The following RAPGEF2 variants were observed in gnomAD, a reference collection of about 807,000 sequenced individuals.
RAPGEF2 encodes the protein PDZ domain containing guanine nucleotide exchange factor (GEF) 1.
A neutral mutation model predicts 186.7 loss-of-function variants in RAPGEF2; 54 were observed. The observed-to-expected ratio is 0.29, with a 90% confidence interval of 0.23 to 0.36. The LOEUF (loss-of-function observed/expected upper bound fraction) is 0.36, where lower values mean the gene tolerates loss of function less well. RAPGEF2 is among the 10% of genes least tolerant of loss of function. The pLI, the probability that RAPGEF2 is intolerant of heterozygous loss-of-function variation, is 1.00. For missense variants in RAPGEF2, 1,532 were observed against 2,045.0 expected (o/e 0.75, Z 4.84); for synonymous variants, 712 against 705.9 (o/e 1.01, Z -0.14).
chr4:159,169,987 C>A (rs959835546), intron 1 of RAPGEF2, among the ~76,000 whole-genome samples: 12 of 152,010 alleles, frequency 7.9e-5, no homozygotes, highest in African/African-American at 2.4e-4. Context: ...TTTGCAGGAA[C>A]CTCCATACTG....
At chr4:159,164,897 A>G (rs766810886) in intron 1 of RAPGEF2, among the ~76,000 whole-genome samples, 22 of 152,204 alleles carry the variant, frequency 1.4e-4, no homozygotes, top group Non-Finnish European at 3.1e-4. Context: ...TTGTTTTAAG[A>G]AAAATGAAGT....
At chr4:159,239,136 T>C (rs541396903) in intron 5 of RAPGEF2, among the ~76,000 whole-genome samples, 9 of 152,296 alleles carry the variant, frequency 5.9e-5, no homozygotes, top group African/African-American at 2.2e-4. Context: ...TTGGTTTTTG[T>C]ACTTTGTAAT....
intron 7 of RAPGEF2, among the ~76,000 whole-genome samples, chr4:159,252,388 C>A (rs1755565613): frequency 6.6e-6 from 1 of 152,174 alleles, no homozygotes. Flanking sequence ...AAAAATGTTT[C>A]AATCATCAGG....
intron 1 of RAPGEF2, among the ~76,000 whole-genome samples, chr4:159,158,332 A>G (rs1393477937): frequency 6.6e-6 from 1 of 152,158 alleles, no homozygotes; most frequent in Non-Finnish European, 1.5e-5. Flanking sequence ...ATTGTAGTTG[A>G]ACAAAAAGCA....
At chr4:159,210,921 GCAGTCTCA>G (rs1750457755) in intron 4 of RAPGEF2, among the ~76,000 whole-genome samples, 1 of 152,124 alleles carries the variant, frequency 6.6e-6, no homozygotes, top group African/African-American at 2.4e-5. Flanking sequence ...AGTATAGCAG[GCAGTCTCA>G]TAAACATCTA....
chr4:159,335,654 T>C (rs1437214550), intron 17 of RAPGEF2, among the ~76,000 whole-genome samples: 2 of 151,908 alleles, frequency 1.3e-5, no homozygotes, highest in Non-Finnish European at 2.9e-5. Context: ...GAGACCACGG[T>C]GAAACCCCGT....
intron 26 of RAPGEF2, among the ~76,000 whole-genome samples, chr4:159,350,694 A>G (rs533607463): frequency 3.7e-4 from 56 of 152,268 alleles, no homozygotes; most frequent in Non-Finnish European, 1.9e-4. Flanking sequence ...ACAGGTCTTG[A>G]TTACCTTTTT....
At chr4:159,291,905 T>G in intron 7 of RAPGEF2, among the ~76,000 whole-genome samples, 1 of 152,320 alleles carries the variant, frequency 6.6e-6, no homozygotes, top group East Asian at 1.9e-4. Flanking sequence ...ATATTTATAT[T>G]TAAAATTTTA....
chr4:159,103,216 C>G lies in RAPGEF2; in HGVS notation c.-947C>G, dbSNP rs1737375007. 6.6e-6 allele frequency: 1 copy of G among 151,954 alleles called. No individual in the cohort carries two copies. The highest frequency in any genetic ancestry group is 1.5e-5 in the Non-Finnish European group (1 of 68,008). The allele number at this position is 151,954 out of a possible 1,614,324, so 9.4% of individuals were successfully genotyped here. ...GGCTTTCGGCCCTCGGACGCCCGCG[C>G]CGGGAGTCCGAACCCGGGCTGTCCG... On this transcript the variant is annotated 5_prime_UTR_variant, in exon 1 of 30. Transcript: ENST00000691494.
intron 1 of RAPGEF2, among the ~76,000 whole-genome samples, chr4:159,115,136 G>A (rs1013745094): frequency 2.0e-5 from 3 of 151,810 alleles, no homozygotes; most frequent in Non-Finnish European, 2.9e-5. Flanking sequence ...CTATCTTTCC[G>A]TTTTTGATTT....
rs577805299 is a variant in RAPGEF2 at position 159,259,890 on chromosome 4, C to A, written c.543+16099C>A. On this transcript the variant is annotated intron_variant, in intron 7 of 29. Transcript: ENST00000691494. ...AATAATTCAGATTATTGTTTAAAAT[C>A]ATCTTTAATCCATTTCTAAGTTTGG... Among the ~76,000 whole-genome samples, 130 of 152,208 alleles carry A rather than the reference C, an allele frequency of 8.5e-4. No individual in the cohort carries two copies. The Middle Eastern group carries it at 0.01, about 12-fold the overall frequency.
intron 1 of RAPGEF2, among the ~76,000 whole-genome samples, chr4:159,136,735 A>G (rs2111149955): frequency 6.6e-6 from 1 of 152,324 alleles, no homozygotes; most frequent in South Asian, 2.1e-4. Flanking sequence ...CTCTAATAAT[A>G]GTTTCTGGTG....
intron 17 of RAPGEF2, among the ~76,000 whole-genome samples, chr4:159,336,919 T>A (rs1767510620): frequency 6.6e-6 from 1 of 152,226 alleles, no homozygotes; most frequent in Admixed American, 6.5e-5. Flanking sequence ...TCAAGGTGTG[T>A]ATAGAAACTA....
At chr4:159,256,028 G>A (rs1237163240) in intron 7 of RAPGEF2, among the ~76,000 whole-genome samples, 1 of 152,064 alleles carries the variant, frequency 6.6e-6, no homozygotes, top group Non-Finnish European at 1.5e-5. Flanking sequence ...CTGTTGAACT[G>A]ACCAACATGA....
At chr4:159,295,750 T>TGCGCGC (rs1470914736) in intron 7 of RAPGEF2, among the ~76,000 whole-genome samples, 1 of 104,520 alleles carries the variant, frequency 9.6e-6, no homozygotes, top group Non-Finnish European at 2.1e-5. Flanking sequence ...TGTGTGTGTG[T>TGCGCGC]GTGTGCGCGC....
At chr4:159,165,624 GT>G (rs1228452186) in intron 1 of RAPGEF2, among the ~76,000 whole-genome samples, 4 of 152,116 alleles carry the variant, frequency 2.6e-5, no homozygotes, top group Admixed American at 1.3e-4. Flanking sequence ...ATGGATTTTT[GT>G]TTGTTTTTTT....
In RAPGEF2 at chr4:159,339,124, T is replaced by A; in HGVS notation, c.2304T>A (p.Asp768Glu). The change falls in exon 19 of 30, where the codon GAT becomes GAA. Residue 768 changes from aspartate (D) to glutamate (E), a missense_variant. By Grantham distance (45) the Asp-to-Glu change is conservative. Transcript: ENST00000691494. Reference sequence around the variant, plus strand: ...TTTTCTTTCCCCCAGACTTGCCAGATCAAGTGCTAAGGGTTTTTAAGGCTG... The same window carrying A: ...TTTTCTTTCCCCCAGACTTGCCAGAACAAGTGCTAAGGGTTTTTAAGGCTG... ...LDFSATPDLP[D>E]QVLRVFKADQ... 1.9e-6 allele frequency: 3 copies of A among 1,613,410 alleles called. No homozygotes were observed. The highest frequency in any genetic ancestry group is 1.1e-5 in the South Asian group (1 of 91,000).
intron 3 of RAPGEF2, among the ~76,000 whole-genome samples, chr4:159,199,166 C>G (rs1749135742): frequency 1.3e-5 from 2 of 151,858 alleles, no homozygotes; most frequent in South Asian, 4.1e-4. Flanking sequence ...GGGTGCTCAA[C>G]CACCTCGCCT....
At chr4:159,182,366 T>G (rs1200347399) in intron 1 of RAPGEF2, among the ~76,000 whole-genome samples, 1 of 150,700 alleles carries the variant, frequency 6.6e-6, no homozygotes, top group Non-Finnish European at 1.5e-5. Flanking sequence ...CTGAAAAGCT[T>G]CCTAGTATTT....
Sources: gnomAD v4.1 joint callset for allele counts (sites outside exome capture counted in the v4.1 genomes callset) on GRCh38, gnomAD v4.1.1 for gene constraint, MANE v1.5 for transcripts, NCBI Gene and HGNC (gene_info 2026-07-23, HGNC 2026-07-21) for gene names.